Variants in NTRK3 observed in about 807,000 individuals in gnomAD.
The protein encoded by NTRK3 is neurotrophic receptor tyrosine kinase 3, also known as NT-3 growth factor receptor.
A neutral mutation model predicts 91.7 loss-of-function variants in NTRK3; 24 were observed. The observed-to-expected ratio is 0.26, with a 90% confidence interval of 0.19 to 0.37. The LOEUF is 0.37. NTRK3 is among the 10% of genes least tolerant of loss of function. NTRK3 has a pLI of 1.00. For synonymous variants in NTRK3, 483 were observed against 404.0 expected (o/e 1.20, Z -2.34); for missense variants, 880 against 1,068.9 (o/e 0.82, Z 2.46).
intron 5 of NTRK3, among the ~76,000 whole-genome samples, chr15:88,150,337 G>A (rs528068787): frequency 6.6e-6 from 1 of 152,302 alleles, no homozygotes; most frequent in South Asian, 2.1e-4. Flanking sequence ...GCTACATTAG[G>A]CAGAAATGTC....
At chr15:88,167,183 G>T (rs1320793392) in intron 5 of NTRK3, among the ~76,000 whole-genome samples, 1 of 152,126 alleles carries the variant, frequency 6.6e-6, no homozygotes, top group Non-Finnish European at 1.5e-5. Flanking sequence ...TTCTGGCAAA[G>T]ACCCAACTAC....
chr15:88,097,866 G>T (rs1413656593), intron 13 of NTRK3, among the ~76,000 whole-genome samples: 2 of 152,094 alleles, frequency 1.3e-5, no homozygotes, highest in African/African-American at 4.8e-5. Flanking sequence ...TTTATTTTGG[G>T]GTGCTAGCAC....
intron 13 of NTRK3, among the ~76,000 whole-genome samples, chr15:88,075,117 C>A (rs576816475): frequency 4.6e-5 from 7 of 152,294 alleles, no homozygotes; most frequent in African/African-American, 1.7e-4. Flanking sequence ...AGTGTTGGAA[C>A]CTACATGTAA....
chr15:88,135,468 C>T (rs1272611057), intron 9 of NTRK3, 71 bp from the exon 10 acceptor site: 6 of 1,534,264 alleles, frequency 3.9e-6, no homozygotes, highest in Non-Finnish European at 5.3e-6. Context: ...CTTCCAGCAA[C>T]TAAAATGGGA....
At chr15:88,229,930 G>A (rs1179119304) in intron 3 of NTRK3, among the ~76,000 whole-genome samples, 3 of 152,238 alleles carry the variant, frequency 2.0e-5, no homozygotes, top group Non-Finnish European at 4.4e-5. Context: ...TGCGGCCATT[G>A]TACAGAACTG....
chr15:87,864,867 G>A lies in NTRK3; in HGVS notation c.*12068C>T, dbSNP rs1219807954. 3 of 227,364 alleles carry A rather than the reference G, an allele frequency of 1.3e-5. No homozygotes were observed. The East Asian group carries it at 1.9e-4, about 14-fold the overall frequency. The allele number at this position is 227,364 out of a possible 1,614,324, so 14.1% of individuals were successfully genotyped here. ...GAGAGTGGGCTCTATTATTTGTCTG[G>A]CCCTGTACAGTTCACCTTCTCCAAT... On this transcript the variant is annotated 3_prime_UTR_variant, in exon 19 of 19. Coordinates refer to ENST00000394480, the Ensembl canonical transcript of NTRK3.
chr15:88,044,116 G>A (rs1291544286), intron 13 of NTRK3, among the ~76,000 whole-genome samples: 1 of 152,106 alleles, frequency 6.6e-6, no homozygotes, highest in Non-Finnish European at 1.5e-5. Context: ...TGGGCTCTGT[G>A]TGATCCTGTC....
At chr15:88,219,725 G>A (rs1414482668) in intron 3 of NTRK3, among the ~76,000 whole-genome samples, 3 of 152,254 alleles carry the variant, frequency 2.0e-5, no homozygotes, top group Non-Finnish European at 4.4e-5. Flanking sequence ...TCAAAATCAA[G>A]ACTGGAAGAA....
At chr15:87,939,019 C>T (rs566336800) in intron 15 of NTRK3, among the ~76,000 whole-genome samples, 141 of 152,266 alleles carry the variant, frequency 9.3e-4, no homozygotes, top group Middle Eastern at 3.4e-3. Context: ...TTGGAAAATA[C>T]CCGCCCTCAT....
rs535324527 is a variant in NTRK3 at position 87,981,145 on chromosome 15, G to A, written c.1586-40392C>T. 4.5e-5 allele frequency: 69 copies of A among 1,548,676 alleles called. No homozygotes were observed. The East Asian group carries it at 5.6e-4, about 13-fold the overall frequency. ...TCCACGAAATATATGGAGGCTTGAT[G>A]AGTCTTAAGGTCTTAAGAACCAAAA... is the stretch of plus-strand genomic sequence containing the variant. On this transcript the variant is annotated intron_variant, in intron 14 of 18. Transcript: ENST00000394480.
At chr15:87,994,754 A>G (rs2075564147) in intron 14 of NTRK3, among the ~76,000 whole-genome samples, 1 of 152,232 alleles carries the variant, frequency 6.6e-6, no homozygotes, top group African/African-American at 2.4e-5. Flanking sequence ...AATGGGAAGC[A>G]GCTCAGTAAG....
intron 17 of NTRK3, among the ~76,000 whole-genome samples, chr15:87,906,622 A>T (rs1381322086): frequency 6.6e-6 from 1 of 152,152 alleles, no homozygotes; most frequent in Non-Finnish European, 1.5e-5. Flanking sequence ...TTCAGATACG[A>T]TTTCATCCAT....
At chr15:88,176,578 A>G (rs1220323740) in intron 5 of NTRK3, among the ~76,000 whole-genome samples, 1 of 152,232 alleles carries the variant, frequency 6.6e-6, no homozygotes, top group East Asian at 1.9e-4. Context: ...CAAGGCCCAC[A>G]TTCTAGTCCT....
intron 3 of NTRK3, among the ~76,000 whole-genome samples, chr15:88,239,691 G>C (rs778637823): frequency 5.5e-4 from 84 of 152,126 alleles, no homozygotes; most frequent in Middle Eastern, 3.2e-3. Context: ...ACCAGGACAA[G>C]GCCTGGCAGA....
At chr15:88,126,133 G>C in intron 13 of NTRK3, 138 bp downstream of exon 13, 1 of 676,672 alleles carries the variant, frequency 1.5e-6, no homozygotes, top group South Asian at 1.6e-5. Flanking sequence ...CGGCAAACAG[G>C]AGTTTCCATC....
chr15:88,241,338 AG>A lies in NTRK3; in HGVS notation c.248+14567del, dbSNP rs2052331716. On this transcript the variant is annotated intron_variant, in intron 3 of 18. Coordinates refer to ENST00000394480, the Ensembl canonical transcript of NTRK3. The surrounding 1 kb of genome is among the most constrained non-coding windows in gnomAD (Gnocchi z 4.3). ...CCTGAGTGAGTGACAGAAGGAGGGC[AG>A]GGGGATGTCAGTCACCTGGATGGGA... Among the ~76,000 whole-genome samples the A allele has an allele frequency of 6.6e-6, 1 of 152,160 alleles. No homozygotes were observed.
At position 88,136,460 on chromosome 15, in the gene NTRK3, T is replaced by C. The variant is rs750458961; in HGVS notation, c.765+7A>G. ...CTCCTGATGGGGCTGAAGCCCAGGA[T>C]GCCTACCTGGTGAGTGTTGATGGAC... On this transcript the variant is annotated splice_region_variant and intron_variant, in intron 8 of 18. Coordinates refer to ENST00000394480, the Ensembl canonical transcript of NTRK3. 1 of 1,614,152 alleles carries C rather than the reference T, an allele frequency of 6.2e-7. No homozygotes were observed. Among genetic ancestry groups the C allele is most frequent in the Non-Finnish European group, 8.5e-7 (1 of 1,180,006 alleles).
chr15:88,100,990 T>A (rs551070868), intron 13 of NTRK3, among the ~76,000 whole-genome samples: 185 of 152,056 alleles, frequency 1.2e-3, no homozygotes, highest in African/African-American at 4.3e-3. Context: ...CAAAAGCAAT[T>A]GCAACAAAAG....
chr15:88,059,262 G>T lies in NTRK3; in HGVS notation c.1397-26217C>A, dbSNP rs560078470. ...GCTATCCATTTAAATGGATTCTGCA[G>T]TCCCTTCGGTGCCAGCTAATCTGTA... On this transcript the variant is annotated intron_variant, in intron 13 of 18. Transcript: ENST00000394480. 1.2e-4 allele frequency among the ~76,000 whole-genome samples: 19 copies of T among 152,322 alleles called. No individual in the cohort carries two copies. In the East Asian group the frequency reaches 1.9e-3, roughly 15 times the overall value.
Sources: allele counts gnomAD v4.1 joint callset (sites outside exome capture counted in the v4.1 genomes callset), GRCh38; gene constraint gnomAD v4.1.1; non-coding constraint Gnocchi (gnomAD v3.1); transcripts MANE v1.5; gene names NCBI Gene and HGNC (gene_info 2026-07-23, HGNC 2026-07-21).